ZBTB37: variants seen among roughly 807,000 people sequenced by gnomAD.
ZBTB37 encodes zinc finger and BTB domain containing 37.
A neutral mutation model predicts 37.7 loss-of-function variants in ZBTB37; 15 were observed. The observed-to-expected ratio is 0.40, with a 90% CI of 0.27 to 0.61. The LOEUF (loss-of-function observed/expected upper bound fraction) is 0.61, where lower values mean the gene tolerates loss of function less well. Among genes scored for constraint, ZBTB37 ranks in the 20% least tolerant of loss-of-function variants. The probability of loss-of-function intolerance (pLI) is 0.44; values close to 1 mark genes in which losing one functional copy is unlikely to be tolerated. For synonymous variants in ZBTB37, 231 were observed against 220.6 expected (o/e 1.05, Z -0.42); for missense variants, 514 against 641.9 (o/e 0.80, Z 2.15).
chr1:173,903,242 T>C (rs1657338291), exon 4 of ZBTB37: 2 of 151,576 alleles, frequency 1.3e-5, no homozygotes, highest in South Asian at 4.2e-4. Flanking sequence ...ACCCCTGTCG[T>C]GTCGGGGAAG....
intron 4 of ZBTB37, among the ~76,000 whole-genome samples, chr1:173,876,958 G>A (rs1656007969): frequency 6.6e-6 from 1 of 152,092 alleles, no homozygotes; most frequent in African/African-American, 2.4e-5. Context: ...GATATATCCC[G>A]TTCCTCCTAG....
intron 4 of ZBTB37, among the ~76,000 whole-genome samples, chr1:173,876,080 A>G (rs1002984539): frequency 2.0e-5 from 3 of 149,676 alleles, no homozygotes; most frequent in African/African-American, 4.9e-5. Flanking sequence ...GTTTTTTTCT[A>G]TTTTCTTTGC....
intron 3 of ZBTB37, among the ~76,000 whole-genome samples, chr1:173,872,251 T>G (rs1655618957): frequency 6.6e-6 from 1 of 151,980 alleles, no homozygotes; most frequent in South Asian, 2.1e-4. Flanking sequence ...GTGTGTGTGT[T>G]TTTAGTAGAG....
exon 4 of ZBTB37, chr1:173,903,307 AAG>A (rs1476602369): frequency 1.3e-5 from 2 of 153,608 alleles, no homozygotes; most frequent in Non-Finnish European, 2.9e-5. Flanking sequence ...AGTTCAAAGA[AAG>A]AGTGAAAATA....
intron 4 of ZBTB37, among the ~76,000 whole-genome samples, chr1:173,874,464 C>T (rs1233386620): frequency 6.6e-6 from 1 of 151,780 alleles, no homozygotes; most frequent in African/African-American, 2.4e-5. Flanking sequence ...CATTCTCCTG[C>T]CTCAGCCTCC....
chr1:173,898,696 A>G (rs1000770326), exon 4 of ZBTB37: 7 of 152,224 alleles, frequency 4.6e-5, no homozygotes, highest in African/African-American at 1.7e-4. Context: ...TTCAATAGTA[A>G]TATGCCACCA....
At chr1:173,891,147 T>C (rs1306273238), downstream of ZBTB37, 1 of 152,250 alleles carries the variant, frequency 6.6e-6, no homozygotes, top group Non-Finnish European at 1.5e-5. Flanking sequence ...CTTGTCTTAA[T>C]GGTGCCGGTA....
At chr1:173,894,956 C>T (rs1204511913) in exon 4 of ZBTB37, 2 of 152,102 alleles carry the variant, frequency 1.3e-5, no homozygotes, top group African/African-American at 4.8e-5. Context: ...GCTGCCCTCT[C>T]CCTCCAAGTT....
rs571943068 is a variant in ZBTB37, at chr1:173,883,519, C to A, written c.1024-2117C>A. On this transcript the variant is annotated intron_variant, in intron 4 of 4. Coordinates refer to ENST00000427304, the Ensembl canonical transcript of ZBTB37. ...TATCATGTTCAATTCTCGTGAGAATCCTCTAAAGCTGGCAAATCATGTGAT... is the reference window on the plus strand; with the variant it reads ...TATCATGTTCAATTCTCGTGAGAATACTCTAAAGCTGGCAAATCATGTGAT... Among the ~76,000 whole-genome samples, 9 of 152,280 alleles carry A rather than the reference C, an allele frequency of 5.9e-5. No homozygotes were observed. In the East Asian group the frequency reaches 1.7e-3, roughly 29 times the overall value.
downstream of ZBTB37, chr1:173,887,347 A>G (rs1034764731): frequency 6.6e-6 from 1 of 152,218 alleles, no homozygotes. Flanking sequence ...TCAGCAAACC[A>G]TAGCTGGTGA....
exon 4 of ZBTB37, chr1:173,892,435 C>G (rs1012774082): frequency 1.3e-5 from 2 of 152,158 alleles, no homozygotes; most frequent in Non-Finnish European, 2.9e-5. Flanking sequence ...ACTTTCTAAG[C>G]AAGCAGGCTT....
In ZBTB37 at chr1:173,876,654, A is replaced by G. The variant is rs754566974; in HGVS notation, c.1023+3088A>G. Among the ~76,000 whole-genome samples, 88 of 152,242 alleles carry G rather than the reference A, an allele frequency of 5.8e-4. 1 individual carries two copies. The highest frequency in any genetic ancestry group is 2.4e-4 in the Non-Finnish European group (16 of 68,040). ...ATATTTATTGTGTGCATGGTATAGT[A>G]ATAGCCGTAAGACATTGTTACAAAC... On this transcript the variant is annotated intron_variant, in intron 4 of 4. Transcript: ENST00000427304.
exon 4 of ZBTB37, chr1:173,892,147 TTTCTGATTAACCTAGGA>T (rs1656866756): frequency 1.3e-5 from 2 of 152,170 alleles, no homozygotes; most frequent in Non-Finnish European, 2.9e-5. Context: ...GAGTATTACT[TTTCTGATTAACCTAGGA>T]TTCTGATTAA....
chr1:173,868,090 T>C, upstream of ZBTB37: 1 of 168,734 alleles, frequency 5.9e-6, no homozygotes, highest in Non-Finnish European at 1.3e-5. Flanking sequence ...CTAACCTCCC[T>C]CAATCTTCCT....
chr1:173,872,745 C>T (rs1184571083), intron 3 of ZBTB37, among the ~76,000 whole-genome samples: 1 of 152,086 alleles, frequency 6.6e-6, no homozygotes, highest in Non-Finnish European at 1.5e-5. Context: ...TGGTGGCTCA[C>T]ACCTGTGATC....
chr1:173,903,290 G>T (rs2102772017), exon 4 of ZBTB37: 1 of 153,758 alleles, frequency 6.5e-6, no homozygotes, highest in African/African-American at 2.4e-5. Context: ...CTCGGGTTGG[G>T]GGAGGGAGTT....
chr1:173,899,732 A>T (rs1017257140), exon 4 of ZBTB37: 2 of 152,226 alleles, frequency 1.3e-5, no homozygotes, highest in African/African-American at 2.4e-5. Context: ...CCTAGTGGTC[A>T]TGGCAGGATA....
intron 4 of ZBTB37, among the ~76,000 whole-genome samples, chr1:173,878,547 T>C (rs527803374): frequency 6.6e-6 from 1 of 152,260 alleles, no homozygotes; most frequent in South Asian, 2.1e-4. Flanking sequence ...GGGTCACCAA[T>C]GCCCAAAGAG....
chr1:173,897,556 T>C (rs1045484650), exon 4 of ZBTB37: 5 of 152,218 alleles, frequency 3.3e-5, no homozygotes, highest in African/African-American at 1.2e-4. Flanking sequence ...TTGCTGTGAA[T>C]TGCAATATTG....
Sources: allele counts gnomAD v4.1 joint callset (sites outside exome capture counted in the v4.1 genomes callset), GRCh38; gene constraint gnomAD v4.1.1; transcripts MANE v1.5; gene names NCBI Gene and HGNC (gene_info 2026-07-23, HGNC 2026-07-21).